LAMA2: variants seen among roughly 807,000 people sequenced by gnomAD.
LAMA2 encodes laminin subunit alpha-2.
Under a neutral mutation model 364.8 loss-of-function variants are expected in LAMA2, and 269 were observed. The observed-to-expected ratio is 0.74, with a 90% CI of 0.67 to 0.82. LAMA2 has a LOEUF of 0.82. LAMA2 is among the 40% of genes least tolerant of loss of function. The pLI, the probability that LAMA2 is intolerant of heterozygous loss-of-function variation, is 0.00. For missense variants in LAMA2, 3,807 were observed against 3,873.2 expected (o/e 0.98, Z 0.45); for synonymous variants, 1,379 against 1,370.6 (o/e 1.01, Z -0.14).
chr6:129,393,050 C>T lies in LAMA2; in HGVS notation c.5240C>T (p.Ala1747Val). 6.2e-7 allele frequency: 1 copy of T among 1,613,102 alleles called. No homozygotes were observed. Among genetic ancestry groups the T allele is most frequent in the Non-Finnish European group, 8.5e-7 (1 of 1,179,756 alleles). Residue 1747 changes from alanine to valine, a missense_variant, in exon 37 of 65, where the codon GCA becomes GTA. Ala to Val is a moderately conservative substitution (Grantham distance 64). This residue lies in a region of LAMA2 where 3,333 missense variants were observed against 3,345.7 expected (regional missense o/e 1.00). Coordinates refer to ENST00000421865, the MANE Select transcript of LAMA2 (RefSeq NM_000426.4). ...KEIAEDELVA[A>V]EALLKKVKKL... ...TGGGCTGGGGGTGGTTACAGAGCTGCAGAAGCCCTTCTGAAAAAAGTGAAG... is the reference window on the plus strand; with the variant it reads ...TGGGCTGGGGGTGGTTACAGAGCTGTAGAAGCCCTTCTGAAAAAAGTGAAG...
At chr6:129,027,575 C>CT (rs1436407328) in intron 1 of LAMA2, among the ~76,000 whole-genome samples, 1 of 151,762 alleles carries the variant, frequency 6.6e-6, no homozygotes, top group East Asian at 1.9e-4. Flanking sequence ...AACAATGATT[C>CT]TTTTTAATGG....
At chr6:129,157,325 A>G (rs1779170310) in intron 8 of LAMA2, among the ~76,000 whole-genome samples, 2 of 152,230 alleles carry the variant, frequency 1.3e-5, no homozygotes, top group African/African-American at 2.4e-5. Flanking sequence ...GTCCATATAT[A>G]AAGAATGAAG....
intron 4 of LAMA2, among the ~76,000 whole-genome samples, chr6:129,129,653 G>A (rs1192216809): frequency 3.9e-5 from 6 of 152,082 alleles, no homozygotes; most frequent in African/African-American, 2.4e-5. Flanking sequence ...GGCCGGGCGC[G>A]GTGGCTCACG....
intron 1 of LAMA2, among the ~76,000 whole-genome samples, chr6:128,923,750 C>A (rs942855214): frequency 3.9e-5 from 6 of 152,142 alleles, no homozygotes; most frequent in Non-Finnish European, 8.8e-5. Context: ...AATGAATAAA[C>A]CCCCAAATCT....
chr6:128,953,664 G>C (rs111277037), intron 1 of LAMA2, among the ~76,000 whole-genome samples: 1 of 151,666 alleles, frequency 6.6e-6, no homozygotes, highest in African/African-American at 2.4e-5. Flanking sequence ...GTTTGTGTGA[G>C]AGGCAAAGAG....
chr6:129,211,703 T>G (rs1438783429), intron 12 of LAMA2, among the ~76,000 whole-genome samples: 1 of 152,224 alleles, frequency 6.6e-6, no homozygotes, highest in Non-Finnish European at 1.5e-5. Flanking sequence ...ATTTAAGCAT[T>G]GAATTCTATA....
chr6:129,223,329 A>G (rs1418420592), intron 12 of LAMA2, among the ~76,000 whole-genome samples: 1 of 152,152 alleles, frequency 6.6e-6, no homozygotes, highest in Non-Finnish European at 1.5e-5. Context: ...TTTGCTGTGC[A>G]GAAGCTCTTT....
At chr6:129,326,120 G>A (rs889844557) in intron 28 of LAMA2, among the ~76,000 whole-genome samples, 8 of 152,178 alleles carry the variant, frequency 5.3e-5, no homozygotes, top group South Asian at 2.1e-4. Flanking sequence ...GATTACAGGC[G>A]TGAGCCACCA....
At chr6:129,342,657 C>T (rs1776334883) in intron 30 of LAMA2, among the ~76,000 whole-genome samples, 190 bp downstream of exon 30, 2 of 151,946 alleles carry the variant, frequency 1.3e-5, no homozygotes, top group South Asian at 2.1e-4. Flanking sequence ...TCCTTTGAAA[C>T]TCTGTCCCAA....
rs1330560728 is a variant in LAMA2, at chr6:129,244,225, G to A, written c.1783-5887G>A. On this transcript the variant is annotated intron_variant, in intron 12 of 64. Coordinates refer to ENST00000421865, the MANE Select transcript of LAMA2 (RefSeq NM_000426.4). The stretch of plus-strand genomic sequence containing the variant: ...TTTATGTTCTATTCTAATAATTATC[G>A]AGCTTTTAAAGAAGAGAAATCTGTT... Among the ~76,000 whole-genome samples the A allele has an allele frequency of 5.9e-5, 9 of 151,712 alleles. No homozygotes were observed. The South Asian group carries it at 8.3e-4, about 14-fold the overall frequency.
rs531424175 is a variant in LAMA2 at position 129,445,720 on chromosome 6, A to G, written c.6328A>G (p.Ile2110Val). 3.1e-6 allele frequency: 5 copies of G among 1,613,932 alleles called. No homozygotes were observed. The highest frequency in any genetic ancestry group is 4.2e-6 in the Non-Finnish European group (5 of 1,179,864). The change falls in exon 45 of 65, where the codon ATA (isoleucine) becomes GTA (valine). Residue 2110 changes from isoleucine (I) to valine (V), a missense_variant. Ile to Val is a conservative substitution (Grantham distance 29). Around this residue, in one of 3 missense-constraint regions of LAMA2, gnomAD observed 3,333 missense variants for 3,345.7 expected, o/e 1.00. Coordinates refer to ENST00000421865, the MANE Select transcript of LAMA2 (RefSeq NM_000426.4). ...TTTAGAACAGGAAGCTGACCGGCTAATAGATAAACTCAAACCCATCAAGGA... is the reference window on the plus strand; with the variant it reads ...TTTAGAACAGGAAGCTGACCGGCTAGTAGATAAACTCAAACCCATCAAGGA... Reference protein sequence around the residue: ...KNLEQEADRLIDKLKPIKELE... With the variant: ...KNLEQEADRLVDKLKPIKELE...
chr6:129,004,571 C>T (rs1169246655), intron 1 of LAMA2, among the ~76,000 whole-genome samples: 1 of 152,128 alleles, frequency 6.6e-6, no homozygotes, highest in Non-Finnish European at 1.5e-5. Flanking sequence ...CTGTGGACTG[C>T]TAAATGATCA....
At chr6:129,067,924 C>A (rs1304866864) in intron 3 of LAMA2, among the ~76,000 whole-genome samples, 2 of 152,228 alleles carry the variant, frequency 1.3e-5, no homozygotes, top group African/African-American at 4.8e-5. Flanking sequence ...CCCAGCCTGT[C>A]CACTTCCTAA....
intron 2 of LAMA2, among the ~76,000 whole-genome samples, chr6:129,052,106 A>G (rs1293924609): frequency 1.4e-5 from 2 of 144,936 alleles, no homozygotes; most frequent in Non-Finnish European, 3.1e-5. Context: ...CAATTATATT[A>G]TTTTAAAATT....
intron 3 of LAMA2, among the ~76,000 whole-genome samples, chr6:129,069,910 T>C (rs977417196): frequency 8.6e-5 from 13 of 151,186 alleles, no homozygotes; most frequent in African/African-American, 3.1e-4. Flanking sequence ...TATATAAGAC[T>C]TTTTCTAGAA....
At chr6:129,365,328 A>G (rs1483291792) in intron 32 of LAMA2, among the ~76,000 whole-genome samples, 1 of 152,156 alleles carries the variant, frequency 6.6e-6, no homozygotes, top group East Asian at 1.9e-4. Context: ...TCATAAGAAA[A>G]CACTATAGAA....
At chr6:129,476,788 T>C (rs1784086257) in intron 53 of LAMA2, among the ~76,000 whole-genome samples, 1 of 142,446 alleles carries the variant, frequency 7.0e-6, no homozygotes, top group Non-Finnish European at 1.5e-5. Context: ...CAGTTGGGCA[T>C]GTTCTTTATA....
chr6:129,340,658 A>T (rs1451141726), intron 29 of LAMA2, among the ~76,000 whole-genome samples: 1 of 151,940 alleles, frequency 6.6e-6, no homozygotes, highest in Non-Finnish European at 1.5e-5. Context: ...CAACATGGTG[A>T]AACCCCATCT....
In LAMA2 at chr6:129,147,066, A is replaced by T. The variant is rs1778501400; in HGVS notation, c.909+18A>T. 6.7e-7 allele frequency: 1 copy of T among 1,495,862 alleles called. No homozygotes were observed. The highest frequency in any genetic ancestry group is 2.3e-5 in the East Asian group (1 of 44,310). The allele number at this position is 1,495,862 out of a possible 1,614,324, so 92.7% of individuals were successfully genotyped here. ...CGACAAATGTATGTATATTTATAGG[A>T]TGCTTAGGCAAAATGAAGCCCTGAG... On this transcript the variant is annotated intron_variant, in intron 6 of 64. Coordinates refer to ENST00000421865, the MANE Select transcript of LAMA2 (RefSeq NM_000426.4).
Sources: allele counts gnomAD v4.1 joint callset (sites outside exome capture counted in the v4.1 genomes callset), GRCh38; gene constraint gnomAD v4.1.1; regional missense constraint gnomAD v4.1.1; transcripts MANE v1.5; gene names NCBI Gene and HGNC (gene_info 2026-07-23, HGNC 2026-07-21).